Variants in PRELID2 observed in about 807,000 individuals in gnomAD.
PRELID2 encodes the protein PRELI domain-containing protein 2.
In PRELID2, 25 loss-of-function variants were observed where a neutral mutation model predicts 28.4. The ratio of observed to expected loss-of-function variants is 0.88; its 90% confidence interval spans 0.64 to 1.23. The LOEUF is 1.23. PRELID2 is among the 50% of genes most tolerant of loss of function. The pLI is 0.00. For synonymous variants in PRELID2, 76 were observed against 71.6 expected, an observed-to-expected ratio of 1.06 and a Z score of -0.31; for missense variants, 201 against 214.4, an observed-to-expected ratio of 0.94 and a Z score of 0.39.
intron 6 of PRELID2, among the ~76,000 whole-genome samples, chr5:145,762,373 T>C (rs142655829): frequency 4.6e-5 from 7 of 151,008 alleles, no homozygotes; most frequent in African/African-American, 1.7e-4. Flanking sequence ...TTCACCTCTA[T>C]AAAAAAGGAA....
At chr5:145,590,390 C>A (rs1333808374) in intron 1 of PRELID2, among the ~76,000 whole-genome samples, 1 of 152,136 alleles carries the variant, frequency 6.6e-6, no homozygotes, top group African/African-American at 2.4e-5. Flanking sequence ...CTAACATTTC[C>A]TTATTATTTA....
chr5:145,417,963 G>A, the PRELID2 span, among the ~76,000 whole-genome samples: 19 of 152,312 alleles, frequency 1.2e-4, no homozygotes, highest in African/African-American at 4.6e-4. Flanking sequence ...AATTATCTTT[G>A]CAGATGACAT....
At chr5:145,606,876 G>A (rs140455980) in intron 1 of PRELID2, among the ~76,000 whole-genome samples, 301 of 151,792 alleles carry the variant, frequency 2.0e-3, no homozygotes, top group African/African-American at 6.7e-3. Flanking sequence ...ATTTGGCTGC[G>A]CTTTTTCTGG....
At chr5:145,532,280 A>C (rs2126662568) in intron 1 of PRELID2, among the ~76,000 whole-genome samples, 1 of 152,210 alleles carries the variant, frequency 6.6e-6, no homozygotes, top group East Asian at 1.9e-4. Flanking sequence ...GGGCTTGGAA[A>C]AGTATTAAAT....
chr5:145,488,095 G>A (rs1006059562), intron 1 of PRELID2, among the ~76,000 whole-genome samples: 2 of 139,184 alleles, frequency 1.4e-5, no homozygotes, highest in African/African-American at 5.4e-5. Context: ...CTGCACTCCA[G>A]CCTGGGCAAC....
chr5:145,833,831 C>A (rs1379420327), intron 1 of PRELID2, among the ~76,000 whole-genome samples: 1 of 152,220 alleles, frequency 6.6e-6, no homozygotes, highest in Non-Finnish European at 1.5e-5. Flanking sequence ...GCAACTGTTG[C>A]AAATTTTGCT....
At chr5:145,349,288 AT>A in the PRELID2 span, among the ~76,000 whole-genome samples, 120 of 152,050 alleles carry the variant, frequency 7.9e-4, no homozygotes, top group Admixed American at 2.3e-3. Context: ...ATTTTTAAAT[AT>A]TTTTTTTCAG....
the PRELID2 span, chr5:145,229,718 CA>C: frequency 1.3e-6 from 1 of 756,078 alleles, no homozygotes; most frequent in African/African-American, 1.7e-5. Flanking sequence ...AGGTCTTCAC[CA>C]CAGACCGGGA....
rs1757404328 is a variant in PRELID2, at chr5:145,760,183, T to C, written c.*353A>G. 6.6e-6 allele frequency: 1 copy of C among 152,152 alleles called. No individual in the cohort carries two copies. Among genetic ancestry groups the C allele is most frequent in the Non-Finnish European group, 1.5e-5 (1 of 68,038 alleles). 9.4% of individuals were successfully genotyped at this position (152,152 alleles called of 1,614,324 possible). ...CCTCTCCAGGCCTTTATCCTGTCCT[T>C]AGCTGCCCTGACACCATCATCAGAC... is the stretch of plus-strand genomic sequence containing the variant. On this transcript the variant is annotated 3_prime_UTR_variant, in exon 7 of 7. Coordinates refer to ENST00000683046, the MANE Select transcript of PRELID2 (RefSeq NM_205846.3).
intron 1 of PRELID2, among the ~76,000 whole-genome samples, chr5:145,830,464 G>A (rs538831941): frequency 6.6e-6 from 1 of 152,298 alleles, no homozygotes; most frequent in South Asian, 2.1e-4. Context: ...GTCTAAGTGA[G>A]ATTCCAGAGA....
chr5:145,629,097 T>G (rs974221852), intron 1 of PRELID2, among the ~76,000 whole-genome samples: 1 of 152,132 alleles, frequency 6.6e-6, no homozygotes, highest in Non-Finnish European at 1.5e-5. Context: ...CAGCCCAGCT[T>G]TGATAGCCTT....
chr5:145,411,530 C>T, the PRELID2 span, among the ~76,000 whole-genome samples: 1 of 152,348 alleles, frequency 6.6e-6, no homozygotes, highest in Non-Finnish European at 1.5e-5. Context: ...GGCAACTCTG[C>T]CTTTGTGGCT....
At chr5:145,636,605 C>T (rs1389358276) in intron 1 of PRELID2, among the ~76,000 whole-genome samples, 2 of 152,204 alleles carry the variant, frequency 1.3e-5, no homozygotes, top group African/African-American at 2.4e-5. Context: ...CTGTGTGAAA[C>T]TGGCACAGCC....
At chr5:145,498,412 C>A (rs952187497) in intron 1 of PRELID2, among the ~76,000 whole-genome samples, 2 of 152,144 alleles carry the variant, frequency 1.3e-5, no homozygotes, top group African/African-American at 2.4e-5. Flanking sequence ...GCAGTCCCAG[C>A]TACCCTGGAG....
chr5:145,575,519 T>C (rs531474486), intron 1 of PRELID2, among the ~76,000 whole-genome samples: 1 of 152,300 alleles, frequency 6.6e-6, no homozygotes, highest in South Asian at 2.1e-4. Flanking sequence ...AATTAGAATG[T>C]AAAGGGACCT....
chr5:145,409,807 A>T, the PRELID2 span, among the ~76,000 whole-genome samples: 1 of 152,110 alleles, frequency 6.6e-6, no homozygotes, highest in African/African-American at 2.4e-5. Flanking sequence ...AGATTCATCC[A>T]ACAGGAAACT....
At chr5:145,546,374 C>T (rs1246363555) in intron 1 of PRELID2, among the ~76,000 whole-genome samples, 1 of 152,060 alleles carries the variant, frequency 6.6e-6, no homozygotes, top group Non-Finnish European at 1.5e-5. Flanking sequence ...AATTAAATAT[C>T]ATCTTCAAGA....
At chr5:145,502,658 C>T (rs1752369880) in intron 1 of PRELID2, among the ~76,000 whole-genome samples, 1 of 152,130 alleles carries the variant, frequency 6.6e-6, no homozygotes, top group Admixed American at 6.6e-5. Flanking sequence ...ACGTCTCATT[C>T]ATCTCTTTTG....
chr5:145,727,473 C>A (rs1190706475), intron 1 of PRELID2, among the ~76,000 whole-genome samples: 1 of 152,172 alleles, frequency 6.6e-6, no homozygotes, highest in African/African-American at 2.4e-5. Flanking sequence ...CAGCTTCTCC[C>A]AATACTCAGC....
Sources: allele counts gnomAD v4.1 joint callset (sites outside exome capture counted in the v4.1 genomes callset), GRCh38; gene constraint gnomAD v4.1.1; transcripts MANE v1.5; gene names NCBI Gene and HGNC (gene_info 2026-07-23, HGNC 2026-07-21).